Variants in GATAD2A observed in about 807,000 individuals in gnomAD.
The protein encoded by GATAD2A is GATA zinc finger domain containing 2A, also known as transcriptional repressor p66-alpha.
A neutral mutation model predicts 68.5 loss-of-function variants in GATAD2A; 12 were observed. The ratio of observed to expected loss-of-function variants is 0.18; its 90% CI spans 0.11 to 0.28. The LOEUF is 0.28. GATAD2A is among the 10% of genes least tolerant of loss of function. The probability of loss-of-function intolerance (pLI) is 1.00; values close to 1 mark genes in which losing one functional copy is unlikely to be tolerated. For synonymous variants in GATAD2A, 410 were observed against 375.3 expected (o/e 1.09, Z -1.07); for missense variants, 755 against 868.5 (o/e 0.87, Z 1.64).
At chr19:19,489,185 C>T (rs1600265563) in intron 2 of GATAD2A, among the ~76,000 whole-genome samples, 1 of 152,180 alleles carries the variant, frequency 6.6e-6, no homozygotes, top group Non-Finnish European at 1.5e-5. Context: ...CTGCTGTGTG[C>T]GGTGTATGTA....
intron 1 of GATAD2A, among the ~76,000 whole-genome samples, chr19:19,393,588 A>C (rs1251786593): frequency 6.6e-6 from 1 of 152,210 alleles, no homozygotes; most frequent in African/African-American, 2.4e-5. Context: ...TTGCAGACAA[A>C]TAAACAAGCA....
rs1053545792 is a variant in GATAD2A, at chr19:19,502,255, G to A, written c.1579-76G>A. 1.5e-5 allele frequency: 18 copies of A among 1,201,260 alleles called. No individual in the cohort carries two copies. In the Admixed American group the frequency reaches 1.8e-4, roughly 12 times the overall value. 74.4% of individuals were successfully genotyped at this position (1,201,260 alleles called of 1,614,324 possible). ...GTGGGAAGAGGTCAGCCAGAGCAAGGAGAGGCTGCGCTGAGTGTCTCGCCT... is the reference window on the plus strand; with the variant it reads ...GTGGGAAGAGGTCAGCCAGAGCAAGAAGAGGCTGCGCTGAGTGTCTCGCCT... On this transcript the variant is annotated intron_variant, in intron 10 of 11. Coordinates refer to ENST00000683918, the MANE Select transcript of GATAD2A (RefSeq NM_001384528.1).
At chr19:19,403,013 T>C (rs1395930109), upstream of GATAD2A, among the ~76,000 whole-genome samples, 1 of 152,006 alleles carries the variant, frequency 6.6e-6, no homozygotes, top group East Asian at 1.9e-4. Flanking sequence ...CCTCAGGTGA[T>C]CCACATGCCT....
chr19:19,404,991 A>T (rs1000666290), upstream of GATAD2A, among the ~76,000 whole-genome samples: 15 of 152,166 alleles, frequency 9.9e-5, no homozygotes, highest in African/African-American at 2.9e-4. Context: ...TCCAAAGTCC[A>T]TTCTCTTTCA....
chr19:19,387,662 C>G (rs2146789322), intron 1 of GATAD2A, among the ~76,000 whole-genome samples: 1 of 152,172 alleles, frequency 6.6e-6, no homozygotes, highest in South Asian at 2.1e-4. Context: ...GGGGGTCCCC[C>G]ACTTCTTTGA....
At chr19:19,500,744 A>AT (rs2060473095) in intron 8 of GATAD2A, among the ~76,000 whole-genome samples, 2 of 152,348 alleles carry the variant, frequency 1.3e-5, no homozygotes, top group South Asian at 4.1e-4. Context: ...GACATGGCGC[A>AT]TTTGGGGGTT....
At chr19:19,505,227 AGGGCTCCTG>A in intron 11 of GATAD2A, 108 bp from the exon 12 acceptor site, 1 of 945,658 alleles carries the variant, frequency 1.1e-6, no homozygotes, top group Non-Finnish European at 1.6e-6. Context: ...TGGGTTTGCA[AGGGCTCCTG>A]GGTCCTTAGT....
upstream of GATAD2A, chr19:19,402,696 A>G (rs1411864209): frequency 6.6e-6 from 1 of 151,052 alleles, no homozygotes; most frequent in South Asian, 2.1e-4. Flanking sequence ...TCATTAAAAA[A>G]AAAAAGAAAA....
At chr19:19,424,496 C>A (rs779463937) in intron 1 of GATAD2A, among the ~76,000 whole-genome samples, 68 of 152,132 alleles carry the variant, frequency 4.5e-4, no homozygotes, top group Non-Finnish European at 9.1e-4. Flanking sequence ...TCCCAAAGCG[C>A]TGGGATTACA....
At position 19,501,548 on chromosome 19, in the gene GATAD2A, G is replaced by A. The variant is rs1055061253; in HGVS notation, c.1503+132G>A. On this transcript the variant is annotated intron_variant, in intron 9 of 11. Coordinates refer to ENST00000683918, the MANE Select transcript of GATAD2A (RefSeq NM_001384528.1). ...ATTGCAGTTAATGGTGGTGTTGGGC[G>A]GCAAAAACACTAATTTGCAGTTTCT... 21 of 729,022 alleles carry A rather than the reference G, an allele frequency of 2.9e-5. No individual in the cohort carries two copies. In the East Asian group the frequency reaches 4.6e-4, roughly 16 times the overall value. The allele number at this position is 729,022 out of a possible 1,614,324, so 45.2% of individuals were successfully genotyped here.
rs1030139586 is a variant in GATAD2A, at chr19:19,407,168, T to C, written c.-7+1149T>C. ...AAACTGAGAGCCCTCTGTGCGGGTGTCTCAGTCTTGGACTGTAGTCCTGTT... is the reference window on the plus strand; with the variant it reads ...AAACTGAGAGCCCTCTGTGCGGGTGCCTCAGTCTTGGACTGTAGTCCTGTT... On this transcript the variant is annotated intron_variant, in intron 1 of 11. Transcript: ENST00000683918. Among the ~76,000 whole-genome samples the C allele has an allele frequency of 1.1e-4, 16 of 152,378 alleles. 1 individual carries two copies. Among genetic ancestry groups the C allele is most frequent in the Non-Finnish European group, 7.3e-5 (5 of 68,042 alleles).
chr19:19,505,200 T>G, intron 11 of GATAD2A, 144 bp from the exon 12 acceptor site: 1 of 680,772 alleles, frequency 1.5e-6, no homozygotes. Flanking sequence ...GAAACGTTGA[T>G]TGAGGAGTAG....
intron 2 of GATAD2A, among the ~76,000 whole-genome samples, chr19:19,490,973 CAA>C (rs983939710): frequency 5.1e-4 from 78 of 152,332 alleles, no homozygotes; most frequent in Admixed American, 4.5e-3. Flanking sequence ...TGGTTGGGGA[CAA>C]AGTGCCATCT....
intron 1 of GATAD2A, among the ~76,000 whole-genome samples, chr19:19,417,901 C>G (rs1288321813): frequency 1.3e-5 from 2 of 152,156 alleles, no homozygotes; most frequent in Admixed American, 1.3e-4. Context: ...TCGACCAGTG[C>G]TGAGCCCCAG....
intron 2 of GATAD2A, among the ~76,000 whole-genome samples, chr19:19,476,872 T>A: frequency 6.6e-6 from 1 of 152,126 alleles, no homozygotes; most frequent in East Asian, 1.9e-4. Flanking sequence ...TTAGAAGAGA[T>A]CTTTCTGAGG....
At chr19:19,498,406 G>T (rs541290347) in intron 7 of GATAD2A, 37 bp from the exon 8 acceptor site, 3 of 1,576,184 alleles carry the variant, frequency 1.9e-6, no homozygotes, top group African/African-American at 1.4e-5. Context: ...CTGGGCAGGC[G>T]CACGGAGCGC....
At chr19:19,402,034 G>A (rs535994211), upstream of GATAD2A, 128 of 152,226 alleles carry the variant, frequency 8.4e-4, no homozygotes, top group African/African-American at 2.9e-3. Context: ...AGACAATAAA[G>A]TTTAAAATGA....
chr19:19,498,335 A>C, intron 7 of GATAD2A, 108 bp from the exon 8 acceptor site: 1 of 982,050 alleles, frequency 1.0e-6, no homozygotes, highest in Non-Finnish European at 1.5e-6. Context: ...CGCCATCGTC[A>C]AGGGTACTGG....
chr19:19,425,119 T>C (rs1429777428), intron 1 of GATAD2A, among the ~76,000 whole-genome samples: 1 of 150,204 alleles, frequency 6.7e-6, no homozygotes, highest in Non-Finnish European at 1.5e-5. Context: ...ATAGAATAAC[T>C]GGAGGTTTTA....
Sources: allele counts gnomAD v4.1 joint callset (sites outside exome capture counted in the v4.1 genomes callset), GRCh38; gene constraint gnomAD v4.1.1; transcripts MANE v1.5; gene names NCBI Gene and HGNC (gene_info 2026-07-23, HGNC 2026-07-21).